ZC3H12B: variants seen among roughly 807,000 people sequenced by gnomAD.
ZC3H12B encodes zinc finger CCCH-type containing 12B, also known as probable ribonuclease ZC3H12B.
Under a neutral mutation model 43.9 loss-of-function variants are expected in ZC3H12B, and 7 were observed. That is an observed-to-expected ratio of 0.16 (90% CI 0.09 to 0.30). The LOEUF (loss-of-function observed/expected upper bound fraction) is 0.30, where lower values mean the gene tolerates loss of function less well. Among genes scored for constraint, ZC3H12B ranks in the 10% least tolerant of loss-of-function variants. The pLI, the probability that ZC3H12B is intolerant of heterozygous loss-of-function variation, is 1.00. For missense variants in ZC3H12B, 475 were observed against 670.2 expected, an observed-to-expected ratio of 0.71 and a Z score of 3.22; for synonymous variants, 222 against 241.7, an observed-to-expected ratio of 0.92 and a Z score of 0.76.
At chrX:65,217,373 T>C in the ZC3H12B span, among the ~76,000 whole-genome samples, 55 of 111,483 alleles carry the variant, frequency 4.9e-4, 1 homozygote, top group African/African-American at 1.8e-3. Flanking sequence ...AAGACTGGAA[T>C]AAATGCCCAA....
At position 65,402,157 on chromosome X, in the gene ZC3H12B, G is replaced by A. The variant is rs534303314; in HGVS notation, n.407+3453G>A. Among the ~76,000 whole-genome samples, 135 of 111,790 alleles carry A rather than the reference G, an allele frequency of 1.2e-3. 1 individual carries two copies. The highest frequency in any genetic ancestry group is 0.011 in the South Asian group (28 of 2,627). ...ATGTCAGAGCTCTTGGGCCTTAAGG[G>A]AACATTGGTAGTAGTCTGGCAGAAC... On this transcript the variant is annotated intron_variant and non_coding_transcript_variant, in intron 3 of 5. Coordinates refer to the ZC3H12B transcript ENST00000617377.
chrX:65,380,313 A>C (rs1380979550), intron 2 of ZC3H12B, among the ~76,000 whole-genome samples: 3 of 112,087 alleles, frequency 2.7e-5, no homozygotes, highest in Non-Finnish European at 5.6e-5. Context: ...CAACATTCTT[A>C]AAGAAAAGAA....
At chrX:65,075,225 GT>G in the ZC3H12B span, among the ~76,000 whole-genome samples, 1 of 112,260 alleles carries the variant, frequency 8.9e-6, no homozygotes, top group African/African-American at 3.2e-5. Context: ...TTAGTTCTTA[GT>G]TTCCCCCAAG....
intron 2 of ZC3H12B, among the ~76,000 whole-genome samples, chrX:65,384,930 G>T: frequency 8.9e-6 from 1 of 112,095 alleles, no homozygotes; most frequent in Middle Eastern, 4.6e-3. Context: ...TCTTGTGTTT[G>T]TCAGGTTTGT....
chrX:65,238,966 G>T, the ZC3H12B span, among the ~76,000 whole-genome samples: 1 of 111,537 alleles, frequency 9.0e-6, no homozygotes, highest in African/African-American at 3.3e-5. Flanking sequence ...ATGATGTCAG[G>T]GGTTTTTTTA....
chrX:65,271,892 C>G, the ZC3H12B span: 1,893 of 148,459 alleles, frequency 0.013, 51 homozygotes, highest in African/African-American at 0.056. Flanking sequence ...TAGTTTCAGA[C>G]TTACCCACGT....
intron 3 of ZC3H12B, among the ~76,000 whole-genome samples, chrX:65,401,083 G>GA (rs113577235): frequency 0.013 from 1,110 of 88,604 alleles, 37 homozygotes; most frequent in Admixed American, 0.083. Flanking sequence ...ATCTACAGAG[G>GA]AAAAAAAAAA....
the ZC3H12B span, among the ~76,000 whole-genome samples, chrX:65,358,838 A>G: frequency 8.9e-6 from 1 of 111,907 alleles, no homozygotes; most frequent in African/African-American, 3.2e-5. Flanking sequence ...CAGATTTTCA[A>G]TGTAGACGAA....
chrX:65,143,336 A>T, the ZC3H12B span, among the ~76,000 whole-genome samples: 1 of 111,256 alleles, frequency 9.0e-6, no homozygotes, highest in Non-Finnish European at 1.9e-5. Context: ...GATTTGTCAT[A>T]GATGGCTTTT....
chrX:65,160,306 G>T, the ZC3H12B span, among the ~76,000 whole-genome samples: 3 of 111,471 alleles, frequency 2.7e-5, no homozygotes, highest in Admixed American at 9.6e-5. Context: ...TCCTTCTTTT[G>T]TATTGATTGG....
intron 3 of ZC3H12B, among the ~76,000 whole-genome samples, chrX:65,450,727 G>T (rs372436362): frequency 6.5e-5 from 2 of 30,799 alleles, no homozygotes; most frequent in South Asian, 2.5e-3. Flanking sequence ...ATACATATGT[G>T]TATATATGTA....
At chrX:65,048,280 C>G in the ZC3H12B span, among the ~76,000 whole-genome samples, 1 of 111,235 alleles carries the variant, frequency 9.0e-6, no homozygotes, top group East Asian at 2.8e-4. Context: ...TTCTATTATG[C>G]ACATATGCCA....
At chrX:65,077,869 A>G in the ZC3H12B span, among the ~76,000 whole-genome samples, 4 of 111,788 alleles carry the variant, frequency 3.6e-5, no homozygotes, top group Non-Finnish European at 7.5e-5. Flanking sequence ...TAGGTTGCTA[A>G]CTCATATAGT....
At chrX:65,421,074 C>T (rs2067012152) in intron 3 of ZC3H12B, among the ~76,000 whole-genome samples, 2 of 112,043 alleles carry the variant, frequency 1.8e-5, no homozygotes, top group African/African-American at 6.5e-5. Context: ...GATTGTTTTT[C>T]CCTCCATAAG....
chrX:65,243,212 G>T, the ZC3H12B span, among the ~76,000 whole-genome samples: 5 of 111,893 alleles, frequency 4.5e-5, no homozygotes, highest in Admixed American at 9.5e-5. Flanking sequence ...GAAAATATAT[G>T]CACACTATAA....
At chrX:65,424,344 T>A (rs944091258) in intron 3 of ZC3H12B, among the ~76,000 whole-genome samples, 1 of 112,346 alleles carries the variant, frequency 8.9e-6, no homozygotes, top group African/African-American at 3.2e-5. Flanking sequence ...TTTTTTAAGT[T>A]CCTTGTATAT....
chrX:65,448,028 C>T (rs193212392), intron 3 of ZC3H12B, among the ~76,000 whole-genome samples: 3 of 110,578 alleles, frequency 2.7e-5, no homozygotes, highest in South Asian at 3.9e-4. Flanking sequence ...GTCAGGAGAT[C>T]GAGACCATCC....
the ZC3H12B span, among the ~76,000 whole-genome samples, chrX:65,352,765 C>T: frequency 8.9e-6 from 1 of 112,028 alleles, no homozygotes; most frequent in Admixed American, 9.4e-5. Flanking sequence ...GTCTCTGTGT[C>T]ACATTTTGGT....
the ZC3H12B span, among the ~76,000 whole-genome samples, chrX:65,068,709 C>T: frequency 9.0e-6 from 1 of 111,495 alleles, no homozygotes; most frequent in Non-Finnish European, 1.9e-5. Context: ...CTTAATATTA[C>T]CAGCAAATTT....
Sources: allele counts gnomAD v4.1 joint callset (sites outside exome capture counted in the v4.1 genomes callset), GRCh38; gene constraint gnomAD v4.1.1; transcripts MANE v1.5; gene names NCBI Gene and HGNC (gene_info 2026-07-23, HGNC 2026-07-21).